TRPM2: variants seen among roughly 807,000 people sequenced by gnomAD.
TRPM2 encodes the protein transient receptor potential cation channel subfamily M member 2, also known as estrogen-responsive element-associated gene 1 protein.
Under a neutral mutation model 174.0 loss-of-function variants are expected in TRPM2, and 161 were observed. That is an observed-to-expected ratio of 0.93 (90% CI 0.81 to 1.05). The LOEUF (loss-of-function observed/expected upper bound fraction) is 1.05. Ranked by LOEUF, TRPM2 falls within the 50% of genes least tolerant of loss-of-function variation. The pLI, the probability that TRPM2 is intolerant of heterozygous loss-of-function variation, is 0.00. For missense variants in TRPM2, 2,057 were observed against 2,038.0 expected, an observed-to-expected ratio of 1.01 and a Z score of -0.18; for synonymous variants, 954 against 861.3, an observed-to-expected ratio of 1.11 and a Z score of -1.88.
chr21:44,376,848 C>T lies in TRPM2; in HGVS notation c.952+835C>T, dbSNP rs1003666108. Among the ~76,000 whole-genome samples, 1 of 152,216 alleles carries T rather than the reference C, an allele frequency of 6.6e-6. No homozygotes were observed. Among genetic ancestry groups the T allele is most frequent in the Non-Finnish European group, 1.5e-5 (1 of 68,034 alleles). On this transcript the variant is annotated intron_variant, in intron 6 of 31. Coordinates refer to ENST00000397928, the MANE Select transcript of TRPM2 (RefSeq NM_003307.4). This position sits in a 1 kb window ranked among gnomAD's most constrained non-coding sequence, Gnocchi z 4.2. ...TGTGGGCCCCAGCCCCAGGGTCCAA[C>T]TCAGCAGCTCCAGGTGGGCTGAGAA...
intron 9 of TRPM2, among the ~76,000 whole-genome samples, chr21:44,386,539 G>A (rs1217094531): frequency 6.6e-6 from 1 of 152,048 alleles, no homozygotes; most frequent in African/African-American, 2.4e-5. Context: ...TTAAACCAAG[G>A]GGGTGAAAGA....
intron 27 of TRPM2, among the ~76,000 whole-genome samples, chr21:44,430,001 T>G (rs2050968295): frequency 6.6e-6 from 1 of 152,150 alleles, no homozygotes; most frequent in Middle Eastern, 3.2e-3. Flanking sequence ...TACTAAATGG[T>G]TTTTCTGCCA....
chr21:44,408,154 A>G (rs552623497), intron 19 of TRPM2, among the ~76,000 whole-genome samples: 1 of 151,860 alleles, frequency 6.6e-6, no homozygotes. Context: ...ACCATGTTGG[A>G]CAGGCTGGTC....
chr21:44,395,371 C>T (rs771294262), intron 11 of TRPM2, 43 bp from the exon 12 acceptor site: 8 of 1,602,874 alleles, frequency 5.0e-6, no homozygotes, highest in African/African-American at 4.0e-5. Flanking sequence ...TGACTCTGAG[C>T]CAGGCGGCCC....
In TRPM2 at chr21:44,406,647, C is replaced by T. The variant is rs117901291; in HGVS notation, c.2844C>T (p.Phe948=). Reference sequence around the variant, plus strand: ...TGCTGGCTGTGTGGGTGGTGTCCTTCGGGGTGGCCAAGCAGGCCATCCTCA... The same window carrying T: ...TGCTGGCTGTGTGGGTGGTGTCCTTTGGGGTGGCCAAGCAGGCCATCCTCA... ...LFLLAVWVVS[F]GVAKQAILIH... is the part of the protein sequence containing the mutation. The change falls in exon 19 of 32, where the codon TTC becomes TTT. Residue 948 remains phenylalanine, a synonymous_variant. Transcript: ENST00000397928. The T allele has an allele frequency of 2.0e-3, 3,216 of 1,610,616 alleles. 65 individuals are homozygous for T. The East Asian group carries it at 0.049, about 24-fold the overall frequency.
At chr21:44,400,236 C>T (rs1338346297) in intron 14 of TRPM2, 23 bp from the exon 15 acceptor site, 10 of 1,602,202 alleles carry the variant, frequency 6.2e-6, no homozygotes, top group Non-Finnish European at 8.5e-6. Context: ...GCACTGCCAT[C>T]CTGAGACTGC....
chr21:44,423,422 G>A, intron 22 of TRPM2: 3 of 529,686 alleles, frequency 5.7e-6, no homozygotes, highest in Non-Finnish European at 1.0e-5. Context: ...CTTGCCATGT[G>A]AGCCTCGGCT....
At chr21:44,365,703 A>G (rs1221776540) in intron 3 of TRPM2, among the ~76,000 whole-genome samples, 4 of 152,026 alleles carry the variant, frequency 2.6e-5, no homozygotes, top group Non-Finnish European at 5.9e-5. Flanking sequence ...CCCTCCCTGC[A>G]GCTGCCGACA....
At chr21:44,429,920 G>A (rs2050965738) in intron 27 of TRPM2, among the ~76,000 whole-genome samples, 1 of 152,142 alleles carries the variant, frequency 6.6e-6, no homozygotes, top group Admixed American at 6.5e-5. Flanking sequence ...ATTTACTGAA[G>A]AAATTTATAA....
intron 9 of TRPM2, among the ~76,000 whole-genome samples, chr21:44,388,650 C>CAAAAAAAAAAA (rs60322957): frequency 2.4e-5 from 2 of 83,004 alleles, no homozygotes; most frequent in Non-Finnish European, 2.6e-5. Flanking sequence ...CCTGTCACTA[C>CAAAAAAAAAAA]AAAAAAAAAA....
At chr21:44,412,112 A>G (rs1569086195) in intron 19 of TRPM2, among the ~76,000 whole-genome samples, 1 of 152,146 alleles carries the variant, frequency 6.6e-6, no homozygotes, top group Non-Finnish European at 1.5e-5. Flanking sequence ...GGCCTCATAA[A>G]ATGGCTTAGG....
chr21:44,387,272 T>C (rs2049041974), intron 9 of TRPM2, among the ~76,000 whole-genome samples: 1 of 152,220 alleles, frequency 6.6e-6, no homozygotes, highest in Non-Finnish European at 1.5e-5. Flanking sequence ...AAATGATATT[T>C]GACAGGAATG....
Position 44,390,959 on chromosome 21 carries a change from G to A in TRPM2, c.1374G>A (p.Leu458=). ...AGAACTGGGACCACCAGCTGAAACT[G>A]GCAGTGGCATGGAATCGCGTGGACA... is the stretch of plus-strand genomic sequence containing the variant. The part of the protein sequence containing the change: ...GHENWDHQLK[L]AVAWNRVDIA... Residue 458 remains leucine (L), a synonymous_variant, in exon 10 of 32, where the codon CTG becomes CTA. Transcript: ENST00000397928. 1 of 1,614,154 alleles carries A rather than the reference G, an allele frequency of 6.2e-7. No homozygotes were observed. Among genetic ancestry groups the A allele is most frequent in the Non-Finnish European group, 8.5e-7 (1 of 1,180,040 alleles).
In TRPM2 at chr21:44,377,793, A is replaced by C. The variant is rs962334273; in HGVS notation, c.1014+20A>C. 1.9e-5 allele frequency: 30 copies of C among 1,613,688 alleles called. No individual in the cohort carries two copies. Among genetic ancestry groups the C allele is most frequent in the Non-Finnish European group, 2.4e-5 (28 of 1,179,868 alleles). On this transcript the variant is annotated intron_variant, in intron 7 of 31. Transcript: ENST00000397928. The stretch of plus-strand genomic sequence containing the variant: ...TTGCACGTGAGTATGGCCAGGTGGG[A>C]GGGGGCATGTGTGGGCCCGTCCTGC...
chr21:44,379,500 G>A (rs2048812504), intron 8 of TRPM2, among the ~76,000 whole-genome samples: 1 of 152,240 alleles, frequency 6.6e-6, no homozygotes, highest in Admixed American at 6.5e-5. Flanking sequence ...TTGGAGGGGT[G>A]GGAGGCAGGC....
In TRPM2 at chr21:44,425,819, C is replaced by G; in HGVS notation, c.3787C>G (p.Pro1263Ala). The change falls in exon 25 of 32, where the codon CCC becomes GCC. Residue 1263 changes from proline (P) to alanine (A), a missense_variant. Transcript: ENST00000397928. ...CTTCCCCGTGCCCAACGAGAAGGTG[C>G]CCTGGGAGGTGAGCGCCTGCCCAAG... ...TRFPVPNEKV[P>A]WETEFLIYDP... 1 of 1,570,946 alleles carries G rather than the reference C, an allele frequency of 6.4e-7. No homozygotes were observed. The highest frequency in any genetic ancestry group is 8.7e-7 in the Non-Finnish European group (1 of 1,150,006).
In TRPM2 at chr21:44,401,778, T is replaced by C; in HGVS notation, c.2419T>C (p.Phe807Leu). The stretch of plus-strand genomic sequence containing the variant: ...CTTCCACCTGAACATCCTCTCCTAC[T>C]TCGCCTTCCTCTGCCTGTTCGCCTA... ...VVFHLNILSY[F>L]AFLCLFAYVL... is the part of the protein sequence containing the mutation. Residue 807 changes from phenylalanine to leucine, a missense_variant, in exon 16 of 32, where the codon TTC becomes CTC. Physicochemically the swap from Phe to Leu is conservative, Grantham distance 22. Transcript: ENST00000397928. 1 of 1,613,754 alleles carries C rather than the reference T, an allele frequency of 6.2e-7. No individual in the cohort carries two copies. Among genetic ancestry groups the C allele is most frequent in the Non-Finnish European group, 8.5e-7 (1 of 1,179,998 alleles).
rs775476040 is a variant in TRPM2 at position 44,395,690 on chromosome 21, AG to A, written c.1932+142del. ...TGTGGAGGGGTGTGGAGGGGTGTGG[AG>A]GGCTGTGGAGGATGTGGAGGGGTGT... On this transcript the variant is annotated intron_variant, in intron 12 of 31. Coordinates refer to ENST00000397928, the MANE Select transcript of TRPM2 (RefSeq NM_003307.4). 0.4 allele frequency: 156,768 copies of A among 387,282 alleles called. 69,914 individuals are homozygous for A. The highest frequency in any genetic ancestry group is 0.54 in the South Asian group (19,753 of 36,432). 24.0% of individuals were successfully genotyped at this position (387,282 alleles called of 1,614,324 possible). A position where few individuals can be genotyped will look rare whatever the true frequency, so the allele number is the denominator to read the frequency against.
Position 44,414,057 on chromosome 21 carries a change from C to CA in TRPM2, c.3129_3130insA (p.Leu1044ThrfsTer26). 6.2e-7 allele frequency: 1 copy of CA among 1,612,650 alleles called. No individual in the cohort carries two copies. The highest frequency in any genetic ancestry group is 8.5e-7 in the Non-Finnish European group (1 of 1,179,764). On this transcript the variant is annotated frameshift_variant, in exon 20 of 32. Coordinates refer to ENST00000397928, the MANE Select transcript of TRPM2 (RefSeq NM_003307.4). LOFTEE classifies it high-confidence loss of function. ...TCACCAACATCCTGCTGCTCAACCT[C>CA]CTCATCGCCATGTTCAAGTGAGCGC...
Sources: allele counts gnomAD v4.1 joint callset (sites outside exome capture counted in the v4.1 genomes callset), GRCh38; gene constraint gnomAD v4.1.1; non-coding constraint Gnocchi (gnomAD v3.1); transcripts MANE v1.5; gene names NCBI Gene and HGNC (gene_info 2026-07-23, HGNC 2026-07-21).